Variants in MICAL2 observed in about 807,000 individuals in gnomAD.
MICAL2 encodes microtubule associated monooxygenase, calponin and LIM domain containing 2.
A neutral mutation model predicts 127.3 loss-of-function variants in MICAL2; 77 were observed. The ratio of observed to expected loss-of-function variants is 0.60; its 90% CI spans 0.50 to 0.73. The LOEUF is 0.73. Among genes scored for constraint, MICAL2 ranks in the 30% least tolerant of loss-of-function variants. The pLI is 0.00. For synonymous variants in MICAL2, 570 were observed against 551.1 expected, an observed-to-expected ratio of 1.03 and a Z score of -0.48; for missense variants, 1,351 against 1,434.4, an observed-to-expected ratio of 0.94 and a Z score of 0.94.
chr11:12,207,982 G>T, intron 4 of MICAL2, 41 bp from the exon 5 acceptor site: 1 of 1,465,118 alleles, frequency 6.8e-7, no homozygotes, highest in Non-Finnish European at 9.6e-7. Context: ...GTGGTGTTCA[G>T]GTATTGCTGT....
intron 3 of MICAL2, among the ~76,000 whole-genome samples, chr11:12,188,767 C>T (rs1365172425): frequency 2.0e-5 from 3 of 152,046 alleles, no homozygotes; most frequent in East Asian, 3.9e-4. Flanking sequence ...GTGAAATGGA[C>T]GCAATGATAC....
chr11:12,208,197 A>G (rs972876857), intron 5 of MICAL2, 58 bp downstream of exon 5: 3 of 1,344,946 alleles, frequency 2.2e-6, no homozygotes, highest in South Asian at 1.2e-5. Flanking sequence ...TAGAAATTCC[A>G]CTTGCTGCTT....
At chr11:12,354,204 C>T (rs1001885200) in intron 33 of MICAL2, among the ~76,000 whole-genome samples, 10 of 152,210 alleles carry the variant, frequency 6.6e-5, no homozygotes, top group Admixed American at 3.3e-4. Flanking sequence ...AGGCTGGGTG[C>T]AGTGGCTCAT....
intron 32 of MICAL2, among the ~76,000 whole-genome samples, chr11:12,344,582 C>T (rs1436589025): frequency 6.7e-6 from 1 of 149,146 alleles, no homozygotes; most frequent in East Asian, 2.0e-4. Flanking sequence ...TTCACTGCAA[C>T]CTCCGCCTCC....
At chr11:12,184,362 T>C (rs896614229) in intron 3 of MICAL2, among the ~76,000 whole-genome samples, 2 of 152,216 alleles carry the variant, frequency 1.3e-5, no homozygotes, top group African/African-American at 4.8e-5. Context: ...CCTGGTTAAG[T>C]ACGGGCATCT....
chr11:12,278,658 G>A (rs1182045072), intron 1 of MICAL2, among the ~76,000 whole-genome samples: 2 of 152,216 alleles, frequency 1.3e-5, no homozygotes, highest in African/African-American at 4.8e-5. Flanking sequence ...GAGGATAAAG[G>A]CAGGAAGAGC....
intron 1 of MICAL2, among the ~76,000 whole-genome samples, chr11:12,117,458 C>G (rs866023407): frequency 6.6e-6 from 1 of 152,244 alleles, no homozygotes; most frequent in African/African-American, 2.4e-5. Flanking sequence ...TTTGTTCCCA[C>G]GACTCTGAAT....
At chr11:12,355,914 C>T (rs181068880) in intron 34 of MICAL2, among the ~76,000 whole-genome samples, 8 of 152,002 alleles carry the variant, frequency 5.3e-5, no homozygotes, top group Non-Finnish European at 1.0e-4. Flanking sequence ...GTCAGAGGGG[C>T]TCAGATGGGT....
At chr11:12,257,718 T>C (rs1238625359) in intron 24 of MICAL2, among the ~76,000 whole-genome samples, 2 of 152,158 alleles carry the variant, frequency 1.3e-5, no homozygotes, top group African/African-American at 4.8e-5. Flanking sequence ...ACTGATGAGT[T>C]AATTCATGTG....
chr11:12,252,909 C>T (rs540895423), intron 22 of MICAL2: 14 of 152,248 alleles, frequency 9.2e-5, no homozygotes, highest in African/African-American at 3.1e-4. Flanking sequence ...CATTGCTGCT[C>T]TCTCTGGCCA....
chr11:12,272,299 C>A (rs1193693292), upstream of MICAL2, among the ~76,000 whole-genome samples: 1 of 152,206 alleles, frequency 6.6e-6, no homozygotes, highest in Non-Finnish European at 1.5e-5. Flanking sequence ...ATAGCAGTGC[C>A]TTTAACCCAA....
chr11:12,239,918 G>A (rs776707578), intron 17 of MICAL2, among the ~76,000 whole-genome samples: 1 of 152,272 alleles, frequency 6.6e-6, no homozygotes, highest in Non-Finnish European at 1.5e-5. Context: ...GGCCTAGTTT[G>A]CTGGTGGTTG....
intron 5 of MICAL2, among the ~76,000 whole-genome samples, chr11:12,208,531 A>T (rs1401333970): frequency 2.6e-5 from 4 of 152,236 alleles, no homozygotes; most frequent in African/African-American, 9.7e-5. Flanking sequence ...GGCACATTTT[A>T]AAATCCAGTA....
At chr11:12,291,894 T>C (rs1442258103), downstream of MICAL2, among the ~76,000 whole-genome samples, 1 of 152,196 alleles carries the variant, frequency 6.6e-6, no homozygotes, top group Non-Finnish European at 1.5e-5. Flanking sequence ...AAGAGCATCA[T>C]CGCATGAGTC....
At chr11:12,245,457 G>A (rs1199692956) in intron 21 of MICAL2, among the ~76,000 whole-genome samples, 7 of 152,222 alleles carry the variant, frequency 4.6e-5, no homozygotes, top group South Asian at 2.1e-4. Context: ...TGAGGAGAAC[G>A]GTGTAGGTAG....
At chr11:12,165,432 A>G (rs1323866423) in intron 3 of MICAL2, among the ~76,000 whole-genome samples, 1 of 152,242 alleles carries the variant, frequency 6.6e-6, no homozygotes, top group African/African-American at 2.4e-5. Context: ...GCTGAGCATT[A>G]GTCAAGGAAG....
At chr11:12,335,246 GTCT>G (rs1425021429) in intron 32 of MICAL2, among the ~76,000 whole-genome samples, 1 of 152,002 alleles carries the variant, frequency 6.6e-6, no homozygotes, top group Non-Finnish European at 1.5e-5. Context: ...CTGCATAAAT[GTCT>G]TCTTTTGAGA....
chr11:12,271,280 C>T (rs1863672926), upstream of MICAL2, among the ~76,000 whole-genome samples: 1 of 152,206 alleles, frequency 6.6e-6, no homozygotes, highest in Admixed American at 6.5e-5. Flanking sequence ...ATCCTCCAGC[C>T]CCCATTAGAG....
At chr11:12,231,494 G>A (rs1490715700) in intron 15 of MICAL2, among the ~76,000 whole-genome samples, 1 of 152,202 alleles carries the variant, frequency 6.6e-6, no homozygotes, top group Admixed American at 6.5e-5. Context: ...AGAGCCGGGT[G>A]GCATTACGTG....
Sources: allele counts gnomAD v4.1 joint callset (sites outside exome capture counted in the v4.1 genomes callset), GRCh38; gene constraint gnomAD v4.1.1; transcripts MANE v1.5; gene names NCBI Gene and HGNC (gene_info 2026-07-23, HGNC 2026-07-21).